Variants in RABGAP1 observed in about 807,000 individuals in gnomAD.
RABGAP1 encodes rab GTPase-activating protein 1.
Under a neutral mutation model 137.6 loss-of-function variants are expected in RABGAP1, and 23 were observed. That is an observed-to-expected ratio of 0.17 (90% CI 0.12 to 0.24). The LOEUF (loss-of-function observed/expected upper bound fraction) is 0.24, where lower values mean the gene tolerates loss of function less well. Among genes scored for constraint, RABGAP1 ranks in the 10% least tolerant of loss-of-function variants. RABGAP1 has a pLI of 1.00. For missense variants in RABGAP1, 906 were observed against 1,275.8 expected, an observed-to-expected ratio of 0.71 and a Z score of 4.42; for synonymous variants, 451 against 450.7, an observed-to-expected ratio of 1.00 and a Z score of -0.01.
chr9:122,950,274 A>G lies in RABGAP1; in HGVS notation c.-49-6737A>G, dbSNP rs1834158117. Among the ~76,000 whole-genome samples, 4 of 151,732 alleles carry G rather than the reference A, an allele frequency of 2.6e-5. No individual in the cohort carries two copies. The South Asian group carries it at 8.3e-4, about 32-fold the overall frequency. The stretch of plus-strand genomic sequence containing the variant: ...ATAGTGAAGAAGGAATATATTTGGG[A>G]TATGTTTTAGAACTAAAATCCATTA... On this transcript the variant is annotated intron_variant, in intron 1 of 25. Coordinates refer to ENST00000373647, the MANE Select transcript of RABGAP1 (RefSeq NM_012197.4).
intron 9 of RABGAP1, 51 bp from the exon 10 acceptor site, chr9:122,998,544 AAT>A: frequency 7.7e-7 from 1 of 1,296,434 alleles, no homozygotes; most frequent in South Asian, 1.9e-5. Flanking sequence ...CTTATGAGCA[AAT>A]ATATTTGTGT....
intron 13 of RABGAP1, among the ~76,000 whole-genome samples, chr9:123,037,206 G>A (rs951805863): frequency 6.6e-6 from 1 of 152,168 alleles, no homozygotes; most frequent in South Asian, 2.1e-4. Flanking sequence ...TATAAAGCAG[G>A]CAGATAAGCT....
chr9:123,080,585 G>C (rs1360123511), intron 19 of RABGAP1, among the ~76,000 whole-genome samples: 1 of 152,156 alleles, frequency 6.6e-6, no homozygotes, highest in Non-Finnish European at 1.5e-5. Context: ...GTGGTAACTT[G>C]CCAGTTCAAA....
At chr9:123,019,686 T>TTTTTG (rs144135557) in intron 12 of RABGAP1, among the ~76,000 whole-genome samples, 46 of 150,124 alleles carry the variant, frequency 3.1e-4, no homozygotes, top group Non-Finnish European at 5.2e-4. Flanking sequence ...TTTGCTCTTT[T>TTTTTG]TTTGTTTGTT....
chr9:123,012,845 A>G (rs181111181), intron 11 of RABGAP1, among the ~76,000 whole-genome samples: 18 of 152,350 alleles, frequency 1.2e-4, no homozygotes, highest in Admixed American at 4.6e-4. Flanking sequence ...CTGTGTAGCC[A>G]TGCTATCTTT....
chr9:123,035,639 CG>C (rs2032602370), intron 13 of RABGAP1: 6 of 733,280 alleles, frequency 8.2e-6, no homozygotes, highest in Admixed American at 4.6e-5. Context: ...ACGGGGTTCC[CG>C]TGTGTGTGTG....
chr9:123,034,326 TG>T (rs2032485525), intron 13 of RABGAP1: 1 of 542,902 alleles, frequency 1.8e-6, no homozygotes, highest in Non-Finnish European at 3.2e-6. Context: ...CCTGGCACTA[TG>T]GCCGCGTCTG....
chr9:123,035,208 C>T, intron 13 of RABGAP1: 2 of 1,614,204 alleles, frequency 1.2e-6, no homozygotes, highest in Non-Finnish European at 1.7e-6. Flanking sequence ...ATTTCAACAT[C>T]TTCCGCATCT....
At chr9:123,025,212 TA>T (rs1394986811) in intron 13 of RABGAP1, among the ~76,000 whole-genome samples, 1 of 152,226 alleles carries the variant, frequency 6.6e-6, no homozygotes, top group Non-Finnish European at 1.5e-5. Flanking sequence ...AATTCTCATA[TA>T]TGCTGGGATT....
At chr9:123,064,930 G>T (rs909334621) in intron 13 of RABGAP1, among the ~76,000 whole-genome samples, 1 of 152,162 alleles carries the variant, frequency 6.6e-6, no homozygotes, top group African/African-American at 2.4e-5. Context: ...TTGAAAACTG[G>T]CATATGGGCT....
chr9:122,952,083 A>G (rs1834281757), intron 1 of RABGAP1, among the ~76,000 whole-genome samples: 1 of 152,156 alleles, frequency 6.6e-6, no homozygotes, highest in South Asian at 2.1e-4. Flanking sequence ...TATAATGAAA[A>G]TAAAGCATAA....
rs2035398942 is a variant in RABGAP1 at position 123,103,393 on chromosome 9, CTACTGA to C, written c.*185_*190del. 4 of 857,724 alleles carry C rather than the reference CTACTGA, an allele frequency of 4.7e-6. No individual in the cohort carries two copies. The South Asian group carries it at 5.3e-5, about 11-fold the overall frequency. 53.1% of individuals were successfully genotyped at this position (857,724 alleles called of 1,614,324 possible). The stretch of plus-strand genomic sequence containing the variant: ...GAAGCAGGCAACCTCTGGGGTAAGA[CTACTGA>C]TACTAACAGGCCTGCTAGCTCAGCC... On this transcript the variant is annotated 3_prime_UTR_variant, in exon 26 of 26. Transcript: ENST00000373647.
At position 123,103,963 on chromosome 9, in the gene RABGAP1, T is replaced by TTTGTG. The variant is rs1554734318; in HGVS notation, c.*751_*752insTGTGT. The TTTGTG allele has an allele frequency of 1.4e-5, 2 of 141,504 alleles. No homozygotes were observed. The highest frequency in any genetic ancestry group is 2.7e-5 in the African/African-American group (1 of 37,576). 8.8% of individuals were successfully genotyped at this position (141,504 alleles called of 1,614,324 possible). On this transcript the variant is annotated 3_prime_UTR_variant, in exon 26 of 26. Coordinates refer to ENST00000373647, the MANE Select transcript of RABGAP1 (RefSeq NM_012197.4). ...ACAAATCTTATTTTGCTTAATGTGTTTGTGTGTGTGTGTGTGTGTGTGTGT... is the reference window on the plus strand; with the variant it reads ...ACAAATCTTATTTTGCTTAATGTGTTTTGTGTGTGTGTGTGTGTGTGTGTGTGTGT...
chr9:123,059,311 T>G (rs886439380), intron 13 of RABGAP1, among the ~76,000 whole-genome samples: 6 of 152,050 alleles, frequency 3.9e-5, no homozygotes, highest in African/African-American at 1.4e-4. Context: ...TCCCAGCACT[T>G]TGGGAGGCCG....
rs2035436300 is a variant in RABGAP1 at position 123,104,270 on chromosome 9, G to A, written c.*1057G>A. The A allele has an allele frequency of 6.6e-6, 1 of 152,530 alleles. No homozygotes were observed. Among genetic ancestry groups the A allele is most frequent in the Non-Finnish European group, 1.5e-5 (1 of 68,054 alleles). The allele number at this position is 152,530 out of a possible 1,614,324, so 9.4% of individuals were successfully genotyped here. A position where few individuals can be genotyped will look rare whatever the true frequency, so the allele number is the denominator to read the frequency against. ...GTAAATGTCTGCGCAGGGTGCACATGCTGCGAGGTCTCCATCCTCCGGGCC... is the reference window on the plus strand; with the variant it reads ...GTAAATGTCTGCGCAGGGTGCACATACTGCGAGGTCTCCATCCTCCGGGCC... On this transcript the variant is annotated 3_prime_UTR_variant, in exon 26 of 26. Coordinates refer to ENST00000373647, the MANE Select transcript of RABGAP1 (RefSeq NM_012197.4).
At chr9:123,066,571 TTCA>T (rs1203239731) in intron 14 of RABGAP1, among the ~76,000 whole-genome samples, 1 of 152,162 alleles carries the variant, frequency 6.6e-6, no homozygotes, top group Non-Finnish European at 1.5e-5. Context: ...CTTCACTGAC[TTCA>T]TCATTTTATC....
intron 13 of RABGAP1, among the ~76,000 whole-genome samples, chr9:123,055,267 C>T (rs1319180738): frequency 6.6e-6 from 1 of 152,188 alleles, no homozygotes; most frequent in Non-Finnish European, 1.5e-5. Flanking sequence ...TCACAGCTCA[C>T]TGCAGCTTTG....
chr9:123,014,878 G>T (rs1176033648), intron 11 of RABGAP1, among the ~76,000 whole-genome samples: 1 of 152,062 alleles, frequency 6.6e-6, no homozygotes, highest in Non-Finnish European at 1.5e-5. Context: ...AAGAATGAGT[G>T]CCAGCAGGGG....
At chr9:122,966,148 G>A (rs1377329444) in intron 2 of RABGAP1, among the ~76,000 whole-genome samples, 1 of 152,168 alleles carries the variant, frequency 6.6e-6, no homozygotes, top group Non-Finnish European at 1.5e-5. Flanking sequence ...CAGGTAGGTA[G>A]TTTGATAGTT....
Sources: gnomAD v4.1 joint callset for allele counts (sites outside exome capture counted in the v4.1 genomes callset) on GRCh38, gnomAD v4.1.1 for gene constraint, MANE v1.5 for transcripts, NCBI Gene and HGNC (gene_info 2026-07-23, HGNC 2026-07-21) for gene names.